The following ROBO2 variants were observed in gnomAD, a reference collection of about 807,000 sequenced individuals.
ROBO2 encodes roundabout homolog 2.
ROBO2 carries 53 observed loss-of-function variants against 160.8 expected under a neutral mutation model. That is an observed-to-expected ratio of 0.33 (90% confidence interval 0.26 to 0.41). The LOEUF is 0.41. Among genes scored for constraint, ROBO2 ranks in the 10% least tolerant of loss-of-function variants. The pLI, the probability that ROBO2 is intolerant of heterozygous loss-of-function variation, is 1.00. For synonymous variants in ROBO2, 664 were observed against 611.7 expected, an observed-to-expected ratio of 1.09 and a Z score of -1.26; for missense variants, 1,577 against 1,722.4, an observed-to-expected ratio of 0.92 and a Z score of 1.49.
chr3:77,610,282 T>C (rs1693827190), intron 21 of ROBO2, among the ~76,000 whole-genome samples: 1 of 152,114 alleles, frequency 6.6e-6, no homozygotes, highest in Admixed American at 6.5e-5. Context: ...AGGTTTAAGC[T>C]TTTCTTGGCA....
At chr3:77,414,806 A>G (rs770052063) in intron 2 of ROBO2, among the ~76,000 whole-genome samples, 3 of 152,234 alleles carry the variant, frequency 2.0e-5, no homozygotes, top group Admixed American at 6.5e-5. Flanking sequence ...AGAAACAATG[A>G]ATTATGCTGA....
At chr3:76,567,759 C>CTGTGTG (rs1560163557) in intron 2 of ROBO2, among the ~76,000 whole-genome samples, 6 of 47,676 alleles carry the variant, frequency 1.3e-4, no homozygotes, top group South Asian at 6.7e-4. Flanking sequence ...ATATATATAT[C>CTGTGTG]TGTCTGTGTG....
chr3:77,474,912 A>C (rs2083811012), intron 2 of ROBO2, among the ~76,000 whole-genome samples: 1 of 152,200 alleles, frequency 6.6e-6, no homozygotes, highest in East Asian at 1.9e-4. Context: ...TACATTTATG[A>C]ATGTAAATAC....
intron 2 of ROBO2, among the ~76,000 whole-genome samples, chr3:76,763,671 C>G (rs1351588059): frequency 6.6e-6 from 1 of 151,634 alleles, no homozygotes; most frequent in Non-Finnish European, 1.5e-5. Context: ...GCTTTGAAAG[C>G]TAACTGGAAC....
chr3:76,114,989 T>G (rs2070397141), intron 2 of ROBO2, among the ~76,000 whole-genome samples: 1 of 152,148 alleles, frequency 6.6e-6, no homozygotes, highest in African/African-American at 2.4e-5. Flanking sequence ...TTAAGTGAGG[T>G]TAGAATTTAT....
chr3:77,321,262 A>C (rs1326720461), intron 2 of ROBO2, among the ~76,000 whole-genome samples: 1 of 152,108 alleles, frequency 6.6e-6, no homozygotes, highest in Non-Finnish European at 1.5e-5. Flanking sequence ...CATGCCTTTA[A>C]ACCCAGCACT....
intron 2 of ROBO2, among the ~76,000 whole-genome samples, chr3:76,243,135 A>T (rs920609888): frequency 6.6e-6 from 1 of 152,090 alleles, no homozygotes; most frequent in Admixed American, 6.5e-5. Context: ...CGCTTGATTA[A>T]CCTTTTTCTC....
At chr3:76,634,945 G>A (rs1023941189) in intron 2 of ROBO2, among the ~76,000 whole-genome samples, 2 of 152,174 alleles carry the variant, frequency 1.3e-5, no homozygotes, top group African/African-American at 2.4e-5. Context: ...CGCATGCAAG[G>A]GATCTAGGTT....
chr3:77,550,208 T>G (rs1222322099), intron 7 of ROBO2, among the ~76,000 whole-genome samples: 1 of 152,074 alleles, frequency 6.6e-6, no homozygotes, highest in Non-Finnish European at 1.5e-5. Flanking sequence ...TCTTTTTATC[T>G]TCAGTAATTT....
At chr3:76,424,868 G>C (rs1269894804) in intron 2 of ROBO2, among the ~76,000 whole-genome samples, 1 of 152,128 alleles carries the variant, frequency 6.6e-6, no homozygotes, top group Non-Finnish European at 1.5e-5. Context: ...TAACCATTCT[G>C]TGAAGTGGTC....
At chr3:76,515,092 A>G (rs1385364980) in intron 2 of ROBO2, among the ~76,000 whole-genome samples, 2 of 152,212 alleles carry the variant, frequency 1.3e-5, no homozygotes, top group African/African-American at 4.8e-5. Context: ...CTGTTCTACA[A>G]TAATAAACAC....
chr3:77,434,601 G>A (rs1353331858), intron 2 of ROBO2, among the ~76,000 whole-genome samples: 1 of 152,010 alleles, frequency 6.6e-6, no homozygotes, highest in Non-Finnish European at 1.5e-5. Context: ...TCCAATCTAG[G>A]CTATCAGACC....
At chr3:77,524,604 T>G (rs1208008194) in intron 6 of ROBO2, among the ~76,000 whole-genome samples, 6 of 151,356 alleles carry the variant, frequency 4.0e-5, no homozygotes, top group Non-Finnish European at 8.9e-5. Flanking sequence ...TCTTTTATAC[T>G]TGAATGCTTG....
chr3:77,213,236 A>C (rs1373437800), intron 2 of ROBO2, among the ~76,000 whole-genome samples: 1 of 152,106 alleles, frequency 6.6e-6, no homozygotes, highest in East Asian at 1.9e-4. Context: ...TAAGCTATTA[A>C]TTATTGCTTC....
intron 2 of ROBO2, among the ~76,000 whole-genome samples, chr3:77,016,350 T>G (rs927042764): frequency 6.6e-6 from 1 of 152,152 alleles, no homozygotes; most frequent in Non-Finnish European, 1.5e-5. Flanking sequence ...GGTGCCACTG[T>G]AAATCAGATC....
intron 2 of ROBO2, among the ~76,000 whole-genome samples, chr3:76,495,243 G>A (rs2107576964): frequency 7.1e-6 from 1 of 140,512 alleles, no homozygotes; most frequent in East Asian, 2.0e-4. Flanking sequence ...TGATTCTGGA[G>A]TTTAAGACAC....
chr3:76,679,240 G>T (rs912830116), intron 2 of ROBO2, among the ~76,000 whole-genome samples: 20 of 151,716 alleles, frequency 1.3e-4, no homozygotes, highest in African/African-American at 4.4e-4. Flanking sequence ...GAACTGTTTT[G>T]GTCAATTAAC....
At chr3:76,543,058 A>G (rs1457836357) in intron 2 of ROBO2, among the ~76,000 whole-genome samples, 2 of 152,114 alleles carry the variant, frequency 1.3e-5, no homozygotes, top group East Asian at 1.9e-4. Flanking sequence ...TGTTCTGATT[A>G]ACTTCTTACT....
At chr3:76,188,385 C>T (rs1044822694) in intron 2 of ROBO2, among the ~76,000 whole-genome samples, 3 of 151,956 alleles carry the variant, frequency 2.0e-5, no homozygotes, top group Admixed American at 6.6e-5. Flanking sequence ...ACAAAGGAGA[C>T]GGGCATGTCA....
Sources: gnomAD v4.1 joint callset for allele counts (sites outside exome capture counted in the v4.1 genomes callset) on GRCh38, gnomAD v4.1.1 for gene constraint, MANE v1.5 for transcripts, NCBI Gene and HGNC (gene_info 2026-07-23, HGNC 2026-07-21) for gene names.